Variants in MCUB observed in about 807,000 individuals in gnomAD.
MCUB encodes the protein mitochondrial calcium uniporter dominant negative subunit beta.
Under a neutral mutation model 41.4 loss-of-function variants are expected in MCUB, and 46 were observed. The observed-to-expected ratio is 1.11, with a 90% CI of 0.88 to 1.42. The LOEUF (loss-of-function observed/expected upper bound fraction) is 1.42. Ranked by LOEUF, MCUB falls within the 40% of genes most tolerant of loss-of-function variation. The pLI is 0.00. For missense variants in MCUB, 403 were observed against 404.9 expected (o/e 1.00, Z 0.04); for synonymous variants, 148 against 148.2 (o/e 1.00, Z 0.01).
chr4:109,647,080 G>C (rs771775874), intron 1 of MCUB, among the ~76,000 whole-genome samples: 3 of 152,118 alleles, frequency 2.0e-5, no homozygotes, highest in Non-Finnish European at 4.4e-5. Flanking sequence ...AAAGCTCTAA[G>C]AGTTTCCATA....
chr4:109,598,562 G>T (rs1727642987), intron 1 of MCUB, among the ~76,000 whole-genome samples: 2 of 152,142 alleles, frequency 1.3e-5, no homozygotes, highest in Admixed American at 1.3e-4. Flanking sequence ...TCCAGCTTCG[G>T]CTGGGCATGA....
chr4:109,593,528 C>G (rs1399723666), intron 1 of MCUB, among the ~76,000 whole-genome samples: 2 of 152,156 alleles, frequency 1.3e-5, no homozygotes, highest in Non-Finnish European at 2.9e-5. Flanking sequence ...CCATTCCTTT[C>G]TGTATCTGCA....
intron 1 of MCUB, among the ~76,000 whole-genome samples, chr4:109,604,740 A>T (rs1400502655): frequency 6.6e-6 from 1 of 152,226 alleles, no homozygotes; most frequent in Non-Finnish European, 1.5e-5. Flanking sequence ...GTTGAATTTT[A>T]TCAAGTGCTT....
intron 1 of MCUB, among the ~76,000 whole-genome samples, chr4:109,605,878 T>C (rs912516711): frequency 1.3e-5 from 2 of 152,222 alleles, no homozygotes; most frequent in African/African-American, 4.8e-5. Flanking sequence ...TGGAATATCT[T>C]TTTTCATCCC....
chr4:109,662,079 AAGG>A (rs1579089429), intron 3 of MCUB, among the ~76,000 whole-genome samples: 1 of 152,200 alleles, frequency 6.6e-6, no homozygotes, highest in South Asian at 2.1e-4. Flanking sequence ...AGCTGGGAGA[AAGG>A]AGGAGTTCTG....
intron 1 of MCUB, among the ~76,000 whole-genome samples, chr4:109,581,743 G>T (rs1324022004): frequency 6.6e-6 from 1 of 151,734 alleles, no homozygotes; most frequent in Non-Finnish European, 1.5e-5. Flanking sequence ...CTTCTCAAAA[G>T]AAGACATTTA....
chr4:109,662,345 C>A (rs1476297889), intron 3 of MCUB, among the ~76,000 whole-genome samples: 4 of 152,222 alleles, frequency 2.6e-5, no homozygotes, highest in Admixed American at 1.3e-4. Flanking sequence ...TAGGGGCAGG[C>A]AGACCCAAAC....
intron 1 of MCUB, among the ~76,000 whole-genome samples, chr4:109,630,986 G>A (rs570645806): frequency 1.1e-4 from 17 of 152,184 alleles, no homozygotes; most frequent in East Asian, 5.8e-4. Context: ...TCACCATTTC[G>A]CAGACCTGAC....
chr4:109,642,112 T>C (rs1400681453), intron 1 of MCUB, among the ~76,000 whole-genome samples: 1 of 152,228 alleles, frequency 6.6e-6, no homozygotes, highest in African/African-American at 2.4e-5. Context: ...TTTTGGATCC[T>C]GAAACATATG....
chr4:109,674,850 T>C (rs1476503771), intron 4 of MCUB, among the ~76,000 whole-genome samples: 1 of 152,274 alleles, frequency 6.6e-6, no homozygotes, highest in Admixed American at 6.5e-5. Flanking sequence ...ATGAACACTT[T>C]TTAAATGTGT....
chr4:109,641,106 C>A (rs1728703357), intron 1 of MCUB, among the ~76,000 whole-genome samples: 1 of 151,164 alleles, frequency 6.6e-6, no homozygotes, highest in Non-Finnish European at 1.5e-5. Flanking sequence ...AGAACACATA[C>A]AGTGTTTTTT....
chr4:109,596,986 C>T (rs1306086242), intron 1 of MCUB, among the ~76,000 whole-genome samples: 2 of 151,884 alleles, frequency 1.3e-5, no homozygotes, highest in East Asian at 1.9e-4. Context: ...CATCTTGCAC[C>T]GCCCTTAATC....
chr4:109,678,783 ATGGG>A (rs1729642863), intron 4 of MCUB, among the ~76,000 whole-genome samples: 1 of 93,384 alleles, frequency 1.1e-5, no homozygotes, highest in Non-Finnish European at 2.2e-5. Flanking sequence ...TTCCCAGACG[ATGGG>A]TGGCCGGGCA....
In MCUB at chr4:109,685,376, C is replaced by CA; in HGVS notation, c.933+12dup. Reference sequence around the variant, plus strand: ...AAGAAGACCTTGCTAAGGTATACTACAAATACATCTTATAGCTGGTTTGTT... The same window carrying CA: ...AAGAAGACCTTGCTAAGGTATACTACAAAATACATCTTATAGCTGGTTTGTT... On this transcript the variant is annotated intron_variant, in intron 7 of 7. Transcript: ENST00000394650. 8.7e-7 allele frequency: 1 copy of CA among 1,148,630 alleles called. No individual in the cohort carries two copies. Among genetic ancestry groups the CA allele is most frequent in the Non-Finnish European group, 1.3e-6 (1 of 757,378 alleles). The allele number at this position is 1,148,630 out of a possible 1,614,324, so 71.2% of individuals were successfully genotyped here.
chr4:109,672,431 C>T (rs1255639414), intron 4 of MCUB, among the ~76,000 whole-genome samples: 1 of 152,186 alleles, frequency 6.6e-6, no homozygotes, highest in Non-Finnish European at 1.5e-5. Context: ...GAGTGTCCAG[C>T]AATTCACCAA....
chr4:109,573,749 G>A (rs767012070), intron 1 of MCUB, among the ~76,000 whole-genome samples: 10 of 152,044 alleles, frequency 6.6e-5, no homozygotes, highest in Non-Finnish European at 1.3e-4. Flanking sequence ...CAAGGGCATT[G>A]TGTTTTGTTA....
chr4:109,633,563 T>C (rs975290521), intron 1 of MCUB, among the ~76,000 whole-genome samples: 15 of 152,130 alleles, frequency 9.9e-5, no homozygotes, highest in African/African-American at 3.6e-4. Context: ...GCCACTGCAC[T>C]CAGCCTTTAA....
At chr4:109,672,181 G>A (rs992123644) in intron 4 of MCUB, among the ~76,000 whole-genome samples, 14 of 152,146 alleles carry the variant, frequency 9.2e-5, no homozygotes, top group African/African-American at 3.4e-4. Flanking sequence ...GGCTAGAGGG[G>A]TCTGTAGTTG....
intron 4 of MCUB, among the ~76,000 whole-genome samples, chr4:109,667,854 ATTTAT>A (rs1392051923): frequency 2.6e-5 from 4 of 151,232 alleles, no homozygotes; most frequent in African/African-American, 9.7e-5. Flanking sequence ...TTGTATTTTC[ATTTAT>A]TTTAAAATAT....
Sources: allele counts gnomAD v4.1 joint callset (sites outside exome capture counted in the v4.1 genomes callset), GRCh38; gene constraint gnomAD v4.1.1; transcripts MANE v1.5; gene names NCBI Gene and HGNC (gene_info 2026-07-23, HGNC 2026-07-21).